The following IGSF21 variants were observed in gnomAD, a reference collection of about 807,000 sequenced individuals.
IGSF21 encodes immunoglobulin superfamily member 21.
A neutral mutation model predicts 46.8 loss-of-function variants in IGSF21; 28 were observed. That is an observed-to-expected ratio of 0.60 (90% CI 0.44 to 0.82). The LOEUF is 0.82. IGSF21 is among the 40% of genes least tolerant of loss of function. IGSF21 has a pLI of 0.00. For synonymous variants in IGSF21, 284 were observed against 273.6 expected (o/e 1.04, Z -0.38); for missense variants, 624 against 665.5 (o/e 0.94, Z 0.69).
chr1:18,108,988 G>GTGTGTGTGTGTT (rs1178468881), intron 1 of IGSF21, among the ~76,000 whole-genome samples: 1 of 148,270 alleles, frequency 6.7e-6, no homozygotes, highest in African/African-American at 2.5e-5. Flanking sequence ...GCAGCTCAGT[G>GTGTGTGTGTGTT]TGTGTGTGTG....
intron 2 of IGSF21, among the ~76,000 whole-genome samples, chr1:18,288,374 T>C (rs2085235321): frequency 6.6e-6 from 1 of 152,186 alleles, no homozygotes; most frequent in South Asian, 2.1e-4. Context: ...TAATTACCTG[T>C]TGCTGCTGCA....
intron 1 of IGSF21, among the ~76,000 whole-genome samples, chr1:18,160,471 C>T (rs2124442456): frequency 6.6e-6 from 1 of 152,260 alleles, no homozygotes; most frequent in African/African-American, 2.4e-5. Context: ...CTGGGTGTGG[C>T]TTCCTGGTGA....
intron 1 of IGSF21, among the ~76,000 whole-genome samples, chr1:18,221,054 T>G (rs1159990968): frequency 1.3e-5 from 2 of 150,510 alleles, no homozygotes; most frequent in East Asian, 4.0e-4. Flanking sequence ...TGTTGCATAC[T>G]TTGTCACCAC....
At chr1:18,210,076 C>T (rs913456654) in intron 1 of IGSF21, among the ~76,000 whole-genome samples, 5 of 152,244 alleles carry the variant, frequency 3.3e-5, no homozygotes, top group East Asian at 1.9e-4. Flanking sequence ...AAATAGCCTT[C>T]GGGTGACATC....
chr1:18,195,990 A>C (rs983796767), intron 1 of IGSF21, among the ~76,000 whole-genome samples: 1 of 152,228 alleles, frequency 6.6e-6, no homozygotes, highest in Admixed American at 6.5e-5. Flanking sequence ...GCGAGAGCTC[A>C]GCCTTCTGGA....
At chr1:18,285,693 G>A (rs2085206338) in intron 2 of IGSF21, among the ~76,000 whole-genome samples, 1 of 152,186 alleles carries the variant, frequency 6.6e-6, no homozygotes, top group Non-Finnish European at 1.5e-5. Context: ...GAAGAAAAGA[G>A]ACACCTGTTC....
chr1:18,300,891 GC>G (rs761601839), intron 3 of IGSF21, among the ~76,000 whole-genome samples: 111 of 152,266 alleles, frequency 7.3e-4, no homozygotes, highest in Non-Finnish European at 1.5e-3. Context: ...TCTGCTCTCA[GC>G]CTTCCTCCCT....
intron 2 of IGSF21, among the ~76,000 whole-genome samples, chr1:18,248,157 G>T (rs894644056): frequency 2.0e-5 from 3 of 152,182 alleles, no homozygotes; most frequent in Non-Finnish European, 2.9e-5. Flanking sequence ...GGTTATTGGG[G>T]TTATAAATGT....
intron 3 of IGSF21, among the ~76,000 whole-genome samples, chr1:18,292,433 A>C (rs1009889046): frequency 6.6e-6 from 1 of 152,188 alleles, no homozygotes; most frequent in Non-Finnish European, 1.5e-5. Flanking sequence ...CCCCGAGCTT[A>C]AGAGAGAATG....
At chr1:18,350,938 C>T (rs926362919) in intron 4 of IGSF21, among the ~76,000 whole-genome samples, 1 of 151,880 alleles carries the variant, frequency 6.6e-6, no homozygotes, top group African/African-American at 2.4e-5. Flanking sequence ...CCCAGTGGTG[C>T]TGGGAGTGGT....
chr1:18,232,209 C>CTTTTTTTTTTTTTTTTTTTTTTT (rs55775011), intron 2 of IGSF21, among the ~76,000 whole-genome samples: 2 of 105,006 alleles, frequency 1.9e-5, no homozygotes, highest in Non-Finnish European at 1.9e-5. Flanking sequence ...CTCCAGACAG[C>CTTTTTTTTTTTTTTTTTTTTTTT]TTTTTTTTGG....
chr1:18,168,477 T>C (rs1000579128), intron 1 of IGSF21, among the ~76,000 whole-genome samples: 2 of 152,138 alleles, frequency 1.3e-5, no homozygotes, highest in Non-Finnish European at 2.9e-5. Context: ...TGGGTCATCG[T>C]CACTTAGACA....
chr1:18,285,541 T>C (rs1261293837), intron 2 of IGSF21, among the ~76,000 whole-genome samples: 1 of 152,128 alleles, frequency 6.6e-6, no homozygotes, highest in Non-Finnish European at 1.5e-5. Context: ...ATGGAACATT[T>C]AGGGAAACTG....
At chr1:18,291,839 T>A (rs1466111986) in intron 2 of IGSF21, 27 bp from the exon 3 acceptor site, 1 of 1,611,860 alleles carries the variant, frequency 6.2e-7, no homozygotes, top group East Asian at 2.2e-5. Flanking sequence ...AGCACTCACG[T>A]GTGGCTATCT....
intron 1 of IGSF21, among the ~76,000 whole-genome samples, chr1:18,124,233 C>T (rs961892730): frequency 6.6e-6 from 1 of 152,222 alleles, no homozygotes; most frequent in Admixed American, 6.5e-5. Context: ...CTCGTCCTCA[C>T]CTGCAAAGTG....
chr1:18,164,264 GT>G (rs2086656759), intron 1 of IGSF21, among the ~76,000 whole-genome samples: 1 of 152,066 alleles, frequency 6.6e-6, no homozygotes, highest in East Asian at 1.9e-4. Flanking sequence ...CAGGGCACAA[GT>G]TTTTCCCTTC....
chr1:18,347,455 C>G (rs915485253), intron 4 of IGSF21, among the ~76,000 whole-genome samples: 1 of 152,172 alleles, frequency 6.6e-6, no homozygotes, highest in Non-Finnish European at 1.5e-5. Context: ...ATCCACCTCT[C>G]TGAGTGTGGG....
chr1:18,305,528 T>G (rs1255890304), intron 3 of IGSF21, among the ~76,000 whole-genome samples: 87 of 42,432 alleles, frequency 2.1e-3, no homozygotes, highest in Middle Eastern at 0.023. Flanking sequence ...ATGGATGGAT[T>G]ATGAATGGAT....
At chr1:18,305,563 G>T (rs966322154) in intron 3 of IGSF21, among the ~76,000 whole-genome samples, 10 of 149,808 alleles carry the variant, frequency 6.7e-5, no homozygotes, top group African/African-American at 2.4e-4. Context: ...TGGATGGATG[G>T]ATGGATGGAT....
Sources: gnomAD v4.1 joint callset for allele counts (sites outside exome capture counted in the v4.1 genomes callset) on GRCh38, gnomAD v4.1.1 for gene constraint, MANE v1.5 for transcripts, NCBI Gene and HGNC (gene_info 2026-07-23, HGNC 2026-07-21) for gene names.